FANCD2: variants seen among roughly 807,000 people sequenced by gnomAD.
FANCD2 encodes the protein Fanconi anemia group D2 protein.
A neutral mutation model predicts 192.3 loss-of-function variants in FANCD2; 131 were observed. That is an observed-to-expected ratio of 0.68 (90% CI 0.59 to 0.79). The LOEUF (loss-of-function observed/expected upper bound fraction) is 0.79. Ranked by LOEUF, FANCD2 falls within the 30% of genes least tolerant of loss-of-function variation. The pLI, the probability that FANCD2 is intolerant of heterozygous loss-of-function variation, is 0.00. For synonymous variants in FANCD2, 524 were observed against 612.5 expected (o/e 0.86, Z 2.13); for missense variants, 1,508 against 1,701.6 (o/e 0.89, Z 2.00).
chr3:10,027,537 T>A (rs1277666648), intron 1 of FANCD2, among the ~76,000 whole-genome samples: 2 of 152,170 alleles, frequency 1.3e-5, no homozygotes, highest in Admixed American at 6.5e-5. Flanking sequence ...TGAGTATCTA[T>A]TTGCCTGGAC....
In FANCD2 at chr3:10,032,205, C is replaced by T. The variant is rs2124969228; in HGVS notation, c.65-627C>T. ...CAGTACAGTGGTTTGCAGGCAACAG[C>T]TTGAGAGACACTGGCTAGTTTAGTA... is the stretch of plus-strand genomic sequence containing the variant. On this transcript the variant is annotated intron_variant, in intron 2 of 43. Coordinates refer to ENST00000675286, the MANE Select transcript of FANCD2 (RefSeq NM_001018115.3). 16 of 312,976 alleles carry T rather than the reference C, an allele frequency of 5.1e-5. 1 individual carries two copies. The highest frequency in any genetic ancestry group is 3.8e-4 in the South Asian group (15 of 39,968). 19.4% of individuals were successfully genotyped at this position (312,976 alleles called of 1,614,324 possible). A position where few individuals can be genotyped will look rare whatever the true frequency, so the allele number is the denominator to read the frequency against.
At position 10,064,725 on chromosome 3, in the gene FANCD2, G is replaced by T. The variant is rs748941966; in HGVS notation, c.2022-4G>T. The T allele has an allele frequency of 6.2e-7, 1 of 1,613,898 alleles. No individual in the cohort carries two copies. The highest frequency in any genetic ancestry group is 8.5e-7 in the Non-Finnish European group (1 of 1,179,954). On this transcript the variant is annotated splice_region_variant and splice_polypyrimidine_tract_variant and intron_variant, in intron 22 of 43. Coordinates refer to ENST00000675286, the MANE Select transcript of FANCD2 (RefSeq NM_001018115.3). Reference sequence around the variant, plus strand: ...CAACATCAGATTCTGGTTTTTCTCCGCAGTGACTTTCCATTTCCTGTGAAA... The same window carrying T: ...CAACATCAGATTCTGGTTTTTCTCCTCAGTGACTTTCCATTTCCTGTGAAA...
At chr3:10,040,179 C>T (rs1038318616) in intron 9 of FANCD2, 2 of 372,266 alleles carry the variant, frequency 5.4e-6, no homozygotes, top group Admixed American at 8.4e-5. Context: ...GGACTAGAGG[C>T]ACCTGCTACC....
chr3:10,028,029 A>G (rs1179785916), intron 1 of FANCD2, among the ~76,000 whole-genome samples: 1 of 149,078 alleles, frequency 6.7e-6, no homozygotes, highest in Admixed American at 6.8e-5. Flanking sequence ...CCTAGCCGAC[A>G]TGGTGAAACC....
chr3:10,071,430 G>A (rs1223233455), intron 26 of FANCD2, among the ~76,000 whole-genome samples: 1 of 152,170 alleles, frequency 6.6e-6, no homozygotes, highest in Non-Finnish European at 1.5e-5. Context: ...GTCAAGATTT[G>A]GAAGCAACCT....
intron 23 of FANCD2, among the ~76,000 whole-genome samples, 185 bp downstream of exon 23, chr3:10,065,060 C>T (rs1258874169): frequency 6.6e-6 from 1 of 152,058 alleles, no homozygotes; most frequent in Non-Finnish European, 1.5e-5. Context: ...ATTTATATTG[C>T]CTTGTGTGAG....
At chr3:10,054,535 G>C (rs2087348966) in intron 18 of FANCD2, among the ~76,000 whole-genome samples, 1 of 119,988 alleles carries the variant, frequency 8.3e-6, no homozygotes, top group Non-Finnish European at 1.6e-5. Context: ...CCAGGCTGGA[G>C]TGCAGTGGCG....
chr3:10,070,038 C>T (rs1042191660), intron 26 of FANCD2, among the ~76,000 whole-genome samples: 4 of 150,554 alleles, frequency 2.7e-5, no homozygotes, highest in Non-Finnish European at 1.5e-5. Flanking sequence ...CCCGGCCACC[C>T]ATCGTCTGAG....
rs35204141 is a variant in FANCD2, at chr3:10,088,044, A to C, written c.3467-405A>C. Among the ~76,000 whole-genome samples, 462 of 152,264 alleles carry C rather than the reference A, an allele frequency of 3.0e-3. 16 individuals are homozygous for C. The East Asian group carries it at 0.055, about 18-fold the overall frequency. ...AAAGCAAGATAAAAATGCAAAACAAACCTTTATTTATCCCTATTGATTAAA... is the reference window on the plus strand; with the variant it reads ...AAAGCAAGATAAAAATGCAAAACAACCCTTTATTTATCCCTATTGATTAAA... On this transcript the variant is annotated intron_variant, in intron 34 of 43. Coordinates refer to ENST00000675286, the MANE Select transcript of FANCD2 (RefSeq NM_001018115.3).
At chr3:10,078,661 G>C (rs1279371500) in intron 30 of FANCD2, among the ~76,000 whole-genome samples, 2 of 150,034 alleles carry the variant, frequency 1.3e-5, no homozygotes, top group Non-Finnish European at 3.0e-5. Flanking sequence ...GCCTCATCTT[G>C]CTTTAAATAG....
intron 18 of FANCD2, among the ~76,000 whole-genome samples, chr3:10,057,680 T>C (rs1269222832): frequency 2.0e-5 from 3 of 152,182 alleles, no homozygotes; most frequent in African/African-American, 7.2e-5. Context: ...AGTTTTAAGA[T>C]GGCACTCACC....
rs1043091202 is a variant in FANCD2, at chr3:10,092,395, C to T, written c.3849+143C>T. ...CTGAGTCGTCTTCTTCCTTTGTCCC[C>T]CTACCCATCCTGGATAACCCCTTTT... On this transcript the variant is annotated intron_variant, in intron 38 of 43. Coordinates refer to ENST00000675286, the MANE Select transcript of FANCD2 (RefSeq NM_001018115.3). 9 of 748,258 alleles carry T rather than the reference C, an allele frequency of 1.2e-5. No homozygotes were observed. The African/African-American group carries it at 1.6e-4, about 13-fold the overall frequency. The allele number at this position is 748,258 out of a possible 1,614,324, so 46.4% of individuals were successfully genotyped here.
chr3:10,035,951 C>G (rs1181563208), intron 6 of FANCD2, among the ~76,000 whole-genome samples: 4 of 151,978 alleles, frequency 2.6e-5, no homozygotes, highest in Non-Finnish European at 4.4e-5. Context: ...TTTCAGAAGA[C>G]AAATTAAGTC....
chr3:10,098,596 T>A, intron 42 of FANCD2, 124 bp from the exon 43 acceptor site: 2 of 1,159,692 alleles, frequency 1.7e-6, no homozygotes, highest in Non-Finnish European at 2.5e-6. Context: ...TTGGTATCCA[T>A]GTTTGCTGTG....
intron 6 of FANCD2, 48 bp from the exon 7 acceptor site, chr3:10,036,239 T>C (rs1389485259): frequency 1.6e-5 from 23 of 1,465,812 alleles, no homozygotes; most frequent in East Asian, 2.3e-5. Context: ...TACATTTCTA[T>C]TGTGTATTTT....
Position 10,057,723 on chromosome 3 carries a change from G to A in FANCD2, c.1657-2571G>A, listed in dbSNP as rs1161411420. Among the ~76,000 whole-genome samples, 7 of 152,144 alleles carry A rather than the reference G, an allele frequency of 4.6e-5. No individual in the cohort carries two copies. The East Asian group carries it at 1.3e-3, about 29-fold the overall frequency. The stretch of plus-strand genomic sequence containing the variant: ...TGAAAAGTTGAACATTACTAACAAA[G>A]TCTAATCATATCTTTAGAAGGGGTA... On this transcript the variant is annotated intron_variant, in intron 18 of 43. Transcript: ENST00000675286.
rs1326170996 is a variant in FANCD2 at position 10,034,454 on chromosome 3, C to T, written c.206-15C>T. On this transcript the variant is annotated splice_polypyrimidine_tract_variant and intron_variant, in intron 3 of 43. Coordinates refer to ENST00000675286, the MANE Select transcript of FANCD2 (RefSeq NM_001018115.3). ...GGTAGGAAACTGGTGACCAGCTCTT[C>T]TTTTTTCTGCATAGCTGTGGATCAA... The T allele has an allele frequency of 1.2e-6, 2 of 1,605,582 alleles. No individual in the cohort carries two copies. Among genetic ancestry groups the T allele is most frequent in the Non-Finnish European group, 1.7e-6 (2 of 1,173,260 alleles).
intron 18 of FANCD2, among the ~76,000 whole-genome samples, 162 bp downstream of exon 18, chr3:10,052,659 C>G (rs9681560): frequency 6.6e-6 from 1 of 152,124 alleles, no homozygotes; most frequent in Non-Finnish European, 1.5e-5. Flanking sequence ...GCTGGGACTA[C>G]AGGCACGTGC....
chr3:10,052,229 T>G (rs2087239463), intron 17 of FANCD2, among the ~76,000 whole-genome samples, 158 bp from the exon 18 acceptor site: 1 of 152,224 alleles, frequency 6.6e-6, no homozygotes, highest in South Asian at 2.1e-4. Flanking sequence ...GCTCTGAGCA[T>G]AGCTTTTAGA....
Sources: allele counts gnomAD v4.1 joint callset (sites outside exome capture counted in the v4.1 genomes callset), GRCh38; gene constraint gnomAD v4.1.1; transcripts MANE v1.5; gene names NCBI Gene and HGNC (gene_info 2026-07-23, HGNC 2026-07-21).